NPIPB11: variants seen among roughly 807,000 people sequenced by gnomAD.
NPIPB11 encodes the protein nuclear pore complex-interacting protein family member B11.
A neutral mutation model predicts 32.8 loss-of-function variants in NPIPB11; 17 were observed. That is an observed-to-expected ratio of 0.52 (90% CI 0.35 to 0.78). The LOEUF (loss-of-function observed/expected upper bound fraction) is 0.78, where lower values mean the gene tolerates loss of function less well. NPIPB11 is among the 30% of genes least tolerant of loss of function. The pLI, the probability that NPIPB11 is intolerant of heterozygous loss-of-function variation, is 0.01. For missense variants in NPIPB11, 537 were observed against 1,000.4 expected (o/e 0.54, Z 6.25); for synonymous variants, 209 against 398.4 (o/e 0.52, Z 5.66).
intron 5 of NPIPB11, among the ~76,000 whole-genome samples, chr16:29,389,701 G>C (rs908715445): frequency 9.2e-6 from 1 of 109,050 alleles, no homozygotes; most frequent in Non-Finnish European, 1.9e-5. Flanking sequence ...AAAAAAAAGA[G>C]AAAGGAAAAC....
intron 2 of NPIPB11, among the ~76,000 whole-genome samples, chr16:29,401,159 T>G (rs896048148): frequency 4.6e-5 from 7 of 152,044 alleles, no homozygotes; most frequent in African/African-American, 1.7e-4. Flanking sequence ...GTTTACAACC[T>G]CCAGCCCTAA....
upstream of NPIPB11, among the ~76,000 whole-genome samples, chr16:29,405,538 T>G (rs1421600629): frequency 3.0e-4 from 45 of 152,164 alleles, no homozygotes; most frequent in Non-Finnish European, 6.2e-4. Flanking sequence ...CTAGCAAGCT[T>G]GCAAGGTAGT....
chr16:29,401,150 T>C (rs1963981210), intron 2 of NPIPB11, among the ~76,000 whole-genome samples: 1 of 152,060 alleles, frequency 6.6e-6, no homozygotes, highest in Non-Finnish European at 1.5e-5. Context: ...GGAGCAATAG[T>C]TTACAACCTC....
intron 4 of NPIPB11, 48 bp downstream of exon 4, chr16:29,390,201 C>G: frequency 1.3e-6 from 2 of 1,573,542 alleles, no homozygotes; most frequent in Non-Finnish European, 1.7e-6. Flanking sequence ...CTTTCCCTTT[C>G]CAGGGCAAAC....
At chr16:29,399,572 G>C (rs28607408) in intron 2 of NPIPB11, among the ~76,000 whole-genome samples, 2 of 150,614 alleles carry the variant, frequency 1.3e-5, no homozygotes, top group Non-Finnish European at 3.0e-5. Flanking sequence ...GGTGGTGGGC[G>C]CCTTAGTCCC....
chr16:29,394,062 C>G (rs759834077), exon 3 of NPIPB11: 2 of 1,598,722 alleles, frequency 1.3e-6, no homozygotes, highest in South Asian at 2.2e-5. Flanking sequence ...GATGGTCAGC[C>G]AGAGTATTGA....
intron 5 of NPIPB11, among the ~76,000 whole-genome samples, chr16:29,389,277 G>T (rs1319325538): frequency 1.4e-5 from 2 of 147,218 alleles, no homozygotes; most frequent in Non-Finnish European, 3.0e-5. Flanking sequence ...AGGCAGAATT[G>T]CTTCAAACTG....
chr16:29,400,870 G>A (rs1963972182), intron 2 of NPIPB11, among the ~76,000 whole-genome samples: 1 of 152,134 alleles, frequency 6.6e-6, no homozygotes, highest in Non-Finnish European at 1.5e-5. Context: ...TGGTGAGCAA[G>A]TAGAGTCACC....
At chr16:29,391,838 G>C (rs555328337) in intron 3 of NPIPB11, among the ~76,000 whole-genome samples, 1 of 151,700 alleles carries the variant, frequency 6.6e-6, no homozygotes, top group African/African-American at 2.4e-5. Context: ...CTTGTGCCTC[G>C]GCCTCCCAAG....
Position 29,382,311 on chromosome 16 carries a change from G to C in NPIPB11, c.2621C>G (p.Ser874Ter), listed in dbSNP as rs1963515072. 6.3e-7 allele frequency: 1 copy of C among 1,586,098 alleles called. No homozygotes were observed. The highest frequency in any genetic ancestry group is 8.5e-7 in the Non-Finnish European group (1 of 1,173,454). The change falls in exon 8 of 8, where the codon TCA becomes TGA. Residue 874 changes from serine to a stop codon, truncating the protein, a stop_gained. Coordinates refer to ENST00000524087, the Ensembl canonical transcript of NPIPB11. LOFTEE classifies it high-confidence loss of function. ...CCCGCAGACGCTCGGCAGGTGTCTT[G>C]ATATTATCATCTGCTGAGGGTGGAG...
chr16:29,399,584 C>T lies in NPIPB11; in HGVS notation c.120+4099G>A, dbSNP rs1265321551. On this transcript the variant is annotated intron_variant, in intron 2 of 7. Coordinates refer to ENST00000524087, the Ensembl canonical transcript of NPIPB11. ...TGTGGTGGTGGGCGCCTTAGTCCCA[C>T]CTACTTGGGAGGCTGAGGCAGGAGA... Among the ~76,000 whole-genome samples, 5 of 151,080 alleles carry T rather than the reference C, an allele frequency of 3.3e-5. No individual in the cohort carries two copies. The South Asian group carries it at 8.5e-4, about 26-fold the overall frequency.
At chr16:29,390,400 T>G in intron 3 of NPIPB11, 52 bp from the exon 4 acceptor site, 1 of 1,592,942 alleles carries the variant, frequency 6.3e-7, no homozygotes, top group Non-Finnish European at 8.5e-7. Flanking sequence ...CTCATGCGTA[T>G]AATCCCAGTA....
At chr16:29,404,586 A>C (rs938234760), upstream of NPIPB11, among the ~76,000 whole-genome samples, 1 of 141,446 alleles carries the variant, frequency 7.1e-6, no homozygotes, top group African/African-American at 2.7e-5. Context: ...GTGACCTTAG[A>C]GTGTAAGTAC....
At chr16:29,383,270 A>G in exon 8 of NPIPB11, 3 of 1,561,804 alleles carry the variant, frequency 1.9e-6, no homozygotes, top group South Asian at 1.1e-5. Flanking sequence ...TGAGATTATC[A>G]TCCGCTGAGG....
chr16:29,396,728 T>TC (rs1329260246), intron 2 of NPIPB11, among the ~76,000 whole-genome samples: 1 of 151,052 alleles, frequency 6.6e-6, no homozygotes, highest in East Asian at 1.9e-4. Flanking sequence ...CCCATTGCAC[T>TC]CCAGCCTGGG....
rs71214272 is a variant in NPIPB11, at chr16:29,402,724, C to CTGTGTGTGTG, written c.120+949_120+958dup. 6.8e-3 allele frequency among the ~76,000 whole-genome samples: 810 copies of CTGTGTGTGTG among 119,632 alleles called. 18 individuals carry two copies. Among genetic ancestry groups the CTGTGTGTGTG allele is most frequent in the South Asian group, 0.063 (186 of 2,958 alleles). The allele number at this position is 119,632 out of a possible 152,430, so 78.5% of individuals were successfully genotyped here. Reference sequence around the variant, plus strand: ...TCTCTCTCTCTCTCTCTCTCTCTCTCTGTGTGTGTGTGTGTGTGTGTGTGT... The same window carrying CTGTGTGTGTG: ...TCTCTCTCTCTCTCTCTCTCTCTCTCTGTGTGTGTGTGTGTGTGTGTGTGTGTGTGTGTGT... On this transcript the variant is annotated intron_variant, in intron 2 of 7. Transcript: ENST00000524087.
At chr16:29,383,817 G>C (rs772615935) in exon 8 of NPIPB11, 1 of 1,254,446 alleles carries the variant, frequency 8.0e-7, no homozygotes, top group South Asian at 1.2e-5. Context: ...CTCGGCAGTT[G>C]TCTTGATATT....
chr16:29,389,005 G>A (rs1364137804), intron 5 of NPIPB11, among the ~76,000 whole-genome samples: 1 of 147,640 alleles, frequency 6.8e-6, no homozygotes, highest in East Asian at 2.0e-4. Context: ...GACCAGCTTG[G>A]CCAATATGGT....
intron 2 of NPIPB11, among the ~76,000 whole-genome samples, chr16:29,394,813 T>C (rs1021719224): frequency 9.9e-5 from 15 of 151,730 alleles, no homozygotes; most frequent in African/African-American, 1.5e-4. Context: ...TGGTGTGCTC[T>C]CGGCTCACTG....
Sources: gnomAD v4.1 joint callset for allele counts (sites outside exome capture counted in the v4.1 genomes callset) on GRCh38, gnomAD v4.1.1 for gene constraint, MANE v1.5 for transcripts, NCBI Gene and HGNC (gene_info 2026-07-23, HGNC 2026-07-21) for gene names.